The following RAPGEF5 variants were observed in gnomAD, a reference collection of about 807,000 sequenced individuals.
The protein encoded by RAPGEF5 is Rap guanine nucleotide exchange factor 5.
RAPGEF5 carries 65 observed loss-of-function variants against 125.2 expected under a neutral mutation model. That is an observed-to-expected ratio of 0.52 (90% CI 0.43 to 0.64). The LOEUF is 0.64. Ranked by LOEUF, RAPGEF5 falls within the 30% of genes least tolerant of loss-of-function variation. The pLI is 0.00. For missense variants in RAPGEF5, 958 were observed against 1,048.1 expected, an observed-to-expected ratio of 0.91 and a Z score of 1.19; for synonymous variants, 391 against 385.9, an observed-to-expected ratio of 1.01 and a Z score of -0.16.
intron 5 of RAPGEF5, among the ~76,000 whole-genome samples, chr7:22,297,052 G>A (rs1783079055): frequency 6.6e-6 from 1 of 152,194 alleles, no homozygotes; most frequent in Non-Finnish European, 1.5e-5. Flanking sequence ...AATAGAAGAG[G>A]TAGAGAAAGT....
At chr7:22,180,624 G>C (rs1784645385) in intron 11 of RAPGEF5, among the ~76,000 whole-genome samples, 1 of 152,210 alleles carries the variant, frequency 6.6e-6, no homozygotes, top group South Asian at 2.1e-4. Flanking sequence ...CATCATTAGA[G>C]CTTTTCTGTT....
At chr7:22,189,840 A>G (rs2128124717) in intron 11 of RAPGEF5, among the ~76,000 whole-genome samples, 1 of 152,324 alleles carries the variant, frequency 6.6e-6, no homozygotes, top group East Asian at 1.9e-4. Flanking sequence ...GCTCTCAGGG[A>G]GTGTTATTGC....
chr7:22,263,217 T>C (rs1782198799), intron 7 of RAPGEF5, among the ~76,000 whole-genome samples: 1 of 152,188 alleles, frequency 6.6e-6, no homozygotes, highest in Non-Finnish European at 1.5e-5. Context: ...ATCGCTGTGT[T>C]GATGAAAATG....
intron 7 of RAPGEF5, among the ~76,000 whole-genome samples, chr7:22,245,693 G>A (rs1005634959): frequency 8.5e-5 from 13 of 152,064 alleles, no homozygotes; most frequent in African/African-American, 3.1e-4. Context: ...CAACTATTTG[G>A]CTTTCTTCTT....
At position 22,265,916 on chromosome 7, in the gene RAPGEF5, T is replaced by C. The variant is rs139911044; in HGVS notation, c.796+1048A>G. On this transcript the variant is annotated intron_variant, in intron 7 of 25. Transcript: ENST00000665637. Reference sequence around the variant, plus strand: ...GGAGCCTTATTCATGCTGCCTTCTGTTCAATACCCAAGATTGCTATTCCTT... The same window carrying C: ...GGAGCCTTATTCATGCTGCCTTCTGCTCAATACCCAAGATTGCTATTCCTT... Among the ~76,000 whole-genome samples, 7 of 152,258 alleles carry C rather than the reference T, an allele frequency of 4.6e-5. No homozygotes were observed. The East Asian group carries it at 1.3e-3, about 29-fold the overall frequency.
intron 17 of RAPGEF5, 139 bp from the exon 18 acceptor site, chr7:22,150,643 T>A (rs1414247917): frequency 8.1e-7 from 1 of 1,239,880 alleles, no homozygotes; most frequent in African/African-American, 1.5e-5. Flanking sequence ...AGTGGATTAA[T>A]TAAGTTCTGC....
In RAPGEF5 at chr7:22,119,543, C is replaced by T. The variant is rs1782518912; in HGVS notation, c.*2863G>A. On this transcript the variant is annotated 3_prime_UTR_variant, in exon 26 of 26. Coordinates refer to ENST00000665637, the MANE Select transcript of RAPGEF5 (RefSeq NM_012294.5). This position sits in a 1 kb window ranked among gnomAD's most constrained non-coding sequence, Gnocchi z 4.1. ...TTTAATAGCAAGGTTGTGATTTTGC[C>T]TACGGGGTCCTGCATTCTGCTGTCT... The T allele has an allele frequency of 6.6e-6, 1 of 152,060 alleles. No individual in the cohort carries two copies. The highest frequency in any genetic ancestry group is 2.4e-5 in the African/African-American group (1 of 41,384). The allele number at this position is 152,060 out of a possible 1,614,324, so 9.4% of individuals were successfully genotyped here.
intron 2 of RAPGEF5, among the ~76,000 whole-genome samples, chr7:22,316,487 ATATTTT>A (rs1169427293): frequency 5.9e-5 from 2 of 34,132 alleles, no homozygotes; most frequent in African/African-American, 2.4e-4. Context: ...ATATATATAT[ATATTTT>A]TTTTTTTTTT....
At chr7:22,272,212 A>G (rs10807811) in intron 6 of RAPGEF5, among the ~76,000 whole-genome samples, 149,105 of 151,744 alleles carry the variant, frequency 0.98, 73,273 homozygotes, top group East Asian at 1. Context: ...AGTATGGTGC[A>G]CGCACCCGTA....
At chr7:22,318,782 C>G (rs1026386802) in intron 1 of RAPGEF5, among the ~76,000 whole-genome samples, 3 of 152,166 alleles carry the variant, frequency 2.0e-5, no homozygotes, top group African/African-American at 4.8e-5. Flanking sequence ...TGAAGTTCCT[C>G]CTGCTGGGGT....
At chr7:22,220,058 A>G (rs1785746482) in intron 8 of RAPGEF5, 67 bp from the exon 9 acceptor site, 2 of 1,549,792 alleles carry the variant, frequency 1.3e-6, no homozygotes, top group Non-Finnish European at 1.8e-6. Flanking sequence ...CACCACCGCA[A>G]AGTTCACCTT....
At chr7:22,197,899 G>GGA (rs1562757127) in intron 9 of RAPGEF5, among the ~76,000 whole-genome samples, 8 of 146,634 alleles carry the variant, frequency 5.5e-5, no homozygotes, top group Admixed American at 2.0e-4. Flanking sequence ...TTTTTGGGGG[G>GGA]GGGTGGTAGG....
intron 2 of RAPGEF5, 91 bp from the exon 3 acceptor site, chr7:22,315,567 AT>A: frequency 2.2e-6 from 1 of 461,232 alleles, no homozygotes; most frequent in Non-Finnish European, 2.8e-6. Context: ...ATATATATAT[AT>A]TTATATATAT....
At chr7:22,228,979 C>G (rs1398385205) in intron 8 of RAPGEF5, among the ~76,000 whole-genome samples, 1 of 152,092 alleles carries the variant, frequency 6.6e-6, no homozygotes. Flanking sequence ...TCAGGACAAG[C>G]TTATAATATC....
At chr7:22,260,008 C>T (rs915356907) in intron 7 of RAPGEF5, among the ~76,000 whole-genome samples, 6 of 151,810 alleles carry the variant, frequency 4.0e-5, no homozygotes, top group African/African-American at 1.2e-4. Context: ...CGTTTGAAAT[C>T]GGAAGGCAGA....
intron 20 of RAPGEF5, among the ~76,000 whole-genome samples, chr7:22,144,128 C>G (rs1295956304): frequency 6.6e-6 from 1 of 152,174 alleles, no homozygotes; most frequent in Non-Finnish European, 1.5e-5. Flanking sequence ...TGATATGAAT[C>G]TGATATTTTA....
intron 1 of RAPGEF5, among the ~76,000 whole-genome samples, chr7:22,342,170 G>C (rs1290149020): frequency 3.3e-5 from 5 of 152,234 alleles, no homozygotes; most frequent in Admixed American, 3.3e-4. Context: ...CAACGTGGAA[G>C]TTGCCAAAGC....
intron 24 of RAPGEF5, among the ~76,000 whole-genome samples, chr7:22,127,790 A>G (rs1327926311): frequency 2.6e-5 from 4 of 152,246 alleles, no homozygotes; most frequent in Non-Finnish European, 4.4e-5. Context: ...TAAACACTAA[A>G]ATATGTTCTT....
intron 1 of RAPGEF5, among the ~76,000 whole-genome samples, chr7:22,322,544 C>T (rs1484418908): frequency 6.6e-6 from 1 of 152,138 alleles, no homozygotes; most frequent in Non-Finnish European, 1.5e-5. Flanking sequence ...CAAAACTAGA[C>T]TTAAAAAGGT....
Sources: allele counts gnomAD v4.1 joint callset (sites outside exome capture counted in the v4.1 genomes callset), GRCh38; gene constraint gnomAD v4.1.1; non-coding constraint Gnocchi (gnomAD v3.1); transcripts MANE v1.5; gene names NCBI Gene and HGNC (gene_info 2026-07-23, HGNC 2026-07-21).